POMT2: variants seen among roughly 807,000 people sequenced by gnomAD.
POMT2 encodes the protein protein O-mannosyl-transferase 2.
In POMT2, 75 loss-of-function variants were observed where a neutral mutation model predicts 100.0. The ratio of observed to expected loss-of-function variants is 0.75; its 90% confidence interval spans 0.62 to 0.91. The LOEUF (loss-of-function observed/expected upper bound fraction) is 0.91. Ranked by LOEUF, POMT2 falls within the 40% of genes least tolerant of loss-of-function variation. The probability of loss-of-function intolerance (pLI) is 0.00; values close to 1 mark genes in which losing one functional copy is unlikely to be tolerated. For missense variants in POMT2, 940 were observed against 955.1 expected (o/e 0.98, Z 0.21); for synonymous variants, 378 against 374.1 (o/e 1.01, Z -0.12).
intron 1 of POMT2, among the ~76,000 whole-genome samples, chr14:77,319,937 T>G (rs1054022712): frequency 6.6e-6 from 1 of 152,174 alleles, no homozygotes; most frequent in Non-Finnish European, 1.5e-5. Context: ...AGAAAATAAA[T>G]CTCTTCTCAC....
chr14:77,300,968 C>T, intron 6 of POMT2, 122 bp downstream of exon 6: 1 of 1,596,732 alleles, frequency 6.3e-7, no homozygotes, highest in East Asian at 2.2e-5. Context: ...GGGGTCCAGC[C>T]CACCTGGGAC....
At position 77,277,991 on chromosome 14, in the gene POMT2, TC is replaced by T. The variant is rs998780720; in HGVS notation, c.2147+402del. Among the ~76,000 whole-genome samples the T allele has an allele frequency of 5.3e-3, 787 of 149,414 alleles. 11 individuals are homozygous for T. The highest frequency in any genetic ancestry group is 0.019 in the African/African-American group (765 of 40,698). On this transcript the variant is annotated intron_variant, in intron 20 of 20. Coordinates refer to ENST00000261534, the MANE Select transcript of POMT2 (RefSeq NM_013382.7). ...GCCCTGTCCCCCATTGCCCCCCGGT[TC>T]CCCCCTCCCTCACCCGGAGAGCTGT... is the stretch of plus-strand genomic sequence containing the variant.
In POMT2 at chr14:77,278,857, A is replaced by T. The variant is rs1329064455; in HGVS notation, c.1904T>A (p.Val635Asp). 6.2e-7 allele frequency: 1 copy of T among 1,613,250 alleles called. No homozygotes were observed. Among genetic ancestry groups the T allele is most frequent in the South Asian group, 1.1e-5 (1 of 91,070 alleles). Reference protein sequence around the residue: ...LPAEVAGLSQVLLRGGGQVLL... With the variant: ...LPAEVAGLSQDLLRGGGQVLL... ...GACCTGGCCGCCTCCTCGAAGCAGG[A>T]CCTGGGACAACCCTGGGCCCAAGCA... Residue 635 changes from valine (V) to aspartate (D), a missense_variant, in exon 19 of 21, where the codon GTC becomes GAC. Physicochemically the swap from Val to Asp is radical, Grantham distance 152. Coordinates refer to ENST00000261534, the MANE Select transcript of POMT2 (RefSeq NM_013382.7).
At position 77,284,603 on chromosome 14, in the gene POMT2, C is replaced by T. The variant is rs142687658; in HGVS notation, c.1576+347G>A. Among the ~76,000 whole-genome samples the T allele has an allele frequency of 3.5e-3, 536 of 151,962 alleles. 2 individuals are homozygous for T. The highest frequency in any genetic ancestry group is 5.4e-3 in the Admixed American group (82 of 15,246). ...CTGGATATGTGGGGGGGCGGGGGAG[C>T]GACTCTACACTGAGGCATAAAGGGA... is the stretch of plus-strand genomic sequence containing the variant. On this transcript the variant is annotated intron_variant, in intron 14 of 20. Coordinates refer to ENST00000261534, the MANE Select transcript of POMT2 (RefSeq NM_013382.7).
chr14:77,286,641 T>G, intron 12 of POMT2, 103 bp downstream of exon 12: 1 of 1,537,330 alleles, frequency 6.5e-7, no homozygotes, highest in Non-Finnish European at 9.0e-7. Flanking sequence ...CCTCTTATCC[T>G]CAGGAACATT....
At chr14:77,278,603 C>T in intron 19 of POMT2, 95 bp from the exon 20 acceptor site, 1 of 1,470,704 alleles carries the variant, frequency 6.8e-7, no homozygotes, top group Non-Finnish European at 9.3e-7. Context: ...AGCAGAGAGT[C>T]ACTCCCAGCA....
At chr14:77,304,671 G>A in intron 4 of POMT2, 21 bp downstream of exon 4, 2 of 1,566,184 alleles carry the variant, frequency 1.3e-6, no homozygotes, top group Non-Finnish European at 1.7e-6. Context: ...CAAAAGCCAT[G>A]GTATGGCTAA....
intron 1 of POMT2, among the ~76,000 whole-genome samples, chr14:77,318,831 G>A (rs934869361): frequency 6.6e-6 from 1 of 151,238 alleles, no homozygotes; most frequent in African/African-American, 2.4e-5. Flanking sequence ...TGCTTCCCAG[G>A]TTCAAGTGAT....
intron 10 of POMT2, among the ~76,000 whole-genome samples, chr14:77,290,069 G>T (rs1437437111): frequency 6.6e-6 from 1 of 152,102 alleles, no homozygotes; most frequent in Non-Finnish European, 1.5e-5. Context: ...AGGGAGGGAG[G>T]TTTTATTTCA....
chr14:77,295,467 C>T (rs1387114067), intron 9 of POMT2, among the ~76,000 whole-genome samples: 1 of 151,882 alleles, frequency 6.6e-6, no homozygotes, highest in Admixed American at 6.6e-5. Flanking sequence ...CCTGTCTCTA[C>T]TAAAAATACG....
At chr14:77,286,496 A>G (rs948268713) in intron 12 of POMT2, among the ~76,000 whole-genome samples, 1 of 152,230 alleles carries the variant, frequency 6.6e-6, no homozygotes, top group African/African-American at 2.4e-5. Flanking sequence ...TTTGACATTT[A>G]TTAAGTATCA....
chr14:77,317,601 C>G (rs1464727264), intron 1 of POMT2, among the ~76,000 whole-genome samples: 1 of 152,250 alleles, frequency 6.6e-6, no homozygotes. Context: ...TTAACCTCCT[C>G]CTGGTCTGCA....
intron 11 of POMT2, 102 bp downstream of exon 11, chr14:77,288,660 G>C: frequency 1.0e-6 from 1 of 1,002,966 alleles, no homozygotes; most frequent in Non-Finnish European, 1.6e-6. Flanking sequence ...TTGCTCCATT[G>C]ACCAGAGCCT....
At chr14:77,300,656 C>T (rs992868374) in intron 6 of POMT2, 8 of 237,136 alleles carry the variant, frequency 3.4e-5, no homozygotes, top group Admixed American at 2.1e-4. Context: ...CGCATCTCTA[C>T]TAAAACTACA....
At chr14:77,310,513 G>T (rs1025198205) in intron 2 of POMT2, among the ~76,000 whole-genome samples, 2 of 152,076 alleles carry the variant, frequency 1.3e-5, no homozygotes, top group African/African-American at 4.8e-5. Flanking sequence ...CTTTTCTTGG[G>T]CTCAGAGCCA....
At chr14:77,312,102 G>C in intron 1 of POMT2, 69 bp from the exon 2 acceptor site, 1 of 1,577,222 alleles carries the variant, frequency 6.3e-7, no homozygotes. Flanking sequence ...CCTTCATAAA[G>C]CATGGTTAAA....
At chr14:77,317,874 T>C (rs374775640) in intron 1 of POMT2, among the ~76,000 whole-genome samples, 5 of 152,226 alleles carry the variant, frequency 3.3e-5, no homozygotes, top group African/African-American at 1.2e-4. Context: ...ATTGTCTTGT[T>C]GGAATGGCCT....
chr14:77,285,381 G>A (rs1262141051), intron 13 of POMT2, 100 bp downstream of exon 13: 1 of 1,479,664 alleles, frequency 6.8e-7, no homozygotes, highest in Non-Finnish European at 9.4e-7. Flanking sequence ...CAAGCAGACA[G>A]CAGGTGAACA....
rs577966780 is a variant in POMT2, at chr14:77,320,793, C to A, written c.-112G>T. ...CGGGGTACCCCGGGAAATGCAACGC[C>A]CTTCACTGCAGCGGAGCGCGGGGCC... On this transcript the variant is annotated 5_prime_UTR_variant, in exon 1 of 21. Transcript: ENST00000261534. 3 of 1,458,402 alleles carry A rather than the reference C, an allele frequency of 2.1e-6. No individual in the cohort carries two copies. The Admixed American group carries it at 7.8e-5, about 38-fold the overall frequency. The allele number at this position is 1,458,402 out of a possible 1,614,324, so 90.3% of individuals were successfully genotyped here. A position where few individuals can be genotyped will look rare whatever the true frequency, so the allele number is the denominator to read the frequency against.
Sources: gnomAD v4.1 joint callset for allele counts (sites outside exome capture counted in the v4.1 genomes callset) on GRCh38, gnomAD v4.1.1 for gene constraint, MANE v1.5 for transcripts, NCBI Gene and HGNC (gene_info 2026-07-23, HGNC 2026-07-21) for gene names.